Variants in ANO10 observed in about 807,000 individuals in gnomAD.
ANO10 encodes the protein anoctamin-10.
ANO10 carries 77 observed loss-of-function variants against 74.7 expected under a neutral mutation model. The observed-to-expected ratio is 1.03, with a 90% confidence interval of 0.86 to 1.25. The LOEUF (loss-of-function observed/expected upper bound fraction) is 1.25. ANO10 is among the 50% of genes most tolerant of loss of function. The pLI is 0.00. For synonymous variants in ANO10, 279 were observed against 284.9 expected (o/e 0.98, Z 0.21); for missense variants, 721 against 778.1 (o/e 0.93, Z 0.87).
chr3:43,551,171 A>C (rs2079439375), intron 10 of ANO10, among the ~76,000 whole-genome samples: 1 of 152,184 alleles, frequency 6.6e-6, no homozygotes, highest in Non-Finnish European at 1.5e-5. Context: ...TGGTGATCTT[A>C]TAAGTACATC....
rs199887096 is a variant in ANO10, at chr3:43,534,475, TGAGA to T, written c.1797+15241_1797+15244del. ...GTGTGTGCATGTGAACGTGCGCGCA[TGAGA>T]GAGAGCGCGCAAGAGAGAACGGGAG... On this transcript the variant is annotated intron_variant, in intron 11 of 12. Transcript: ENST00000292246. Among the ~76,000 whole-genome samples the T allele has an allele frequency of 8.2e-3, 1,134 of 139,092 alleles. 14 individuals carry two copies. The highest frequency in any genetic ancestry group is 0.028 in the African/African-American group (1,024 of 36,456). The allele number at this position is 139,092 out of a possible 152,430, so 91.2% of individuals were successfully genotyped here.
At chr3:43,394,330 C>T (rs1354727234) in intron 12 of ANO10, among the ~76,000 whole-genome samples, 1 of 152,142 alleles carries the variant, frequency 6.6e-6, no homozygotes, top group South Asian at 2.1e-4. Context: ...CTTGAAAAGT[C>T]CAGCTCTATC....
At chr3:43,665,621 C>T (rs1413855263) in intron 1 of ANO10, among the ~76,000 whole-genome samples, 2 of 152,058 alleles carry the variant, frequency 1.3e-5, no homozygotes, top group African/African-American at 4.8e-5. Context: ...GTTCTCTTGC[C>T]TTCCTTTTCA....
intron 12 of ANO10, among the ~76,000 whole-genome samples, chr3:43,417,441 T>C (rs2092757490): frequency 6.6e-6 from 1 of 152,076 alleles, no homozygotes; most frequent in African/African-American, 2.4e-5. Flanking sequence ...AGACACTGCC[T>C]CCTCAAGCCG....
At chr3:43,583,308 T>G (rs1261993771) in intron 4 of ANO10, among the ~76,000 whole-genome samples, 1 of 152,112 alleles carries the variant, frequency 6.6e-6, no homozygotes, top group East Asian at 1.9e-4. Context: ...GAGCCTTACC[T>G]TCAAAGGAAA....
intron 11 of ANO10, among the ~76,000 whole-genome samples, chr3:43,446,307 A>G (rs1455939565): frequency 6.6e-6 from 1 of 152,208 alleles, no homozygotes; most frequent in East Asian, 1.9e-4. Context: ...AACCTTTGAT[A>G]TCTTTGTCAG....
chr3:43,553,072 G>A (rs140775097), intron 10 of ANO10, among the ~76,000 whole-genome samples: 2,843 of 152,196 alleles, frequency 0.019, 58 homozygotes, highest in Non-Finnish European at 0.029. Flanking sequence ...GGGATTACAG[G>A]CATGAGCCGC....
Position 43,366,800 on chromosome 3 carries a change from TG to T in ANO10, c.*105del. Reference sequence around the variant, plus strand: ...ACTTCGTTTGGCTAAGCATTGGGTCTGGGTTCAGGAGCCACGATGCTGCCCC... The same window carrying T: ...ACTTCGTTTGGCTAAGCATTGGGTCTGGTTCAGGAGCCACGATGCTGCCCC... On this transcript the variant is annotated 3_prime_UTR_variant, in exon 13 of 13. Coordinates refer to ENST00000292246, the MANE Select transcript of ANO10 (RefSeq NM_018075.5). The T allele has an allele frequency of 8.4e-7, 1 of 1,190,318 alleles. No individual in the cohort carries two copies. Among genetic ancestry groups the T allele is most frequent in the Non-Finnish European group, 1.2e-6 (1 of 822,358 alleles). The allele number at this position is 1,190,318 out of a possible 1,614,324, so 73.7% of individuals were successfully genotyped here.
Position 43,576,691 on chromosome 3 carries a change from C to T in ANO10, c.1162+1G>A, listed in dbSNP as rs768148483. The T allele has an allele frequency of 8.7e-6, 14 of 1,613,874 alleles. No homozygotes were observed. The highest frequency in any genetic ancestry group is 1.2e-5 in the Non-Finnish European group (14 of 1,179,926). On this transcript the variant is annotated splice_donor_variant, in intron 6 of 12. Coordinates refer to ENST00000292246, the MANE Select transcript of ANO10 (RefSeq NM_018075.5). LOFTEE classifies it high-confidence loss of function. ...CGTGAATATAAAGCCTCAAGTCTTA[C>T]CCCATGAAGTTAAAAACTCGGCAGC...
chr3:43,687,104 T>C (rs1171626248), intron 1 of ANO10, among the ~76,000 whole-genome samples: 1 of 152,130 alleles, frequency 6.6e-6, no homozygotes, highest in Non-Finnish European at 1.5e-5. Context: ...TCCTTCTTAT[T>C]ATCTCCCTGC....
At chr3:43,619,403 A>C (rs1419797610) in intron 1 of ANO10, among the ~76,000 whole-genome samples, 1 of 152,206 alleles carries the variant, frequency 6.6e-6, no homozygotes, top group Non-Finnish European at 1.5e-5. Flanking sequence ...GAATTGTATC[A>C]ATGTCAATTT....
In ANO10 at chr3:43,494,929, TA is replaced by T. The variant is rs553489215; in HGVS notation, c.1797+54790del. Among the ~76,000 whole-genome samples the T allele has an allele frequency of 2.4e-3, 358 of 151,872 alleles. 2 individuals are homozygous for T. The highest frequency in any genetic ancestry group is 8.1e-3 in the African/African-American group (336 of 41,482). On this transcript the variant is annotated intron_variant, in intron 11 of 12. Transcript: ENST00000292246. ...GAACTAAGTAATTTTAAAGTTTATA[TA>T]AAAAAAATAAAAGAATTATCAACAA...
intron 11 of ANO10, among the ~76,000 whole-genome samples, chr3:43,443,662 A>G (rs975139749): frequency 7.9e-5 from 11 of 140,002 alleles, no homozygotes; most frequent in Non-Finnish European, 1.6e-4. Flanking sequence ...CATGAAAAGT[A>G]TTTTACTTCC....
chr3:43,452,650 G>C (rs1048276380), intron 11 of ANO10, among the ~76,000 whole-genome samples: 16 of 152,224 alleles, frequency 1.1e-4, no homozygotes, highest in African/African-American at 3.9e-4. Flanking sequence ...TAATGTGCAA[G>C]TTTTTGTGCA....
At chr3:43,423,962 G>A (rs1328199644) in intron 12 of ANO10, among the ~76,000 whole-genome samples, 1 of 152,172 alleles carries the variant, frequency 6.6e-6, no homozygotes, top group Non-Finnish European at 1.5e-5. Flanking sequence ...AGGCAAATCT[G>A]ATGTTACGGT....
intron 11 of ANO10, among the ~76,000 whole-genome samples, chr3:43,523,248 G>T (rs778304789): frequency 6.6e-6 from 1 of 152,286 alleles, no homozygotes; most frequent in African/African-American, 2.4e-5. Context: ...TCCATTGGAG[G>T]AGTCACATGA....
At chr3:43,369,267 G>A (rs1575581741) in intron 12 of ANO10, among the ~76,000 whole-genome samples, 1 of 152,374 alleles carries the variant, frequency 6.6e-6, no homozygotes, top group East Asian at 1.9e-4. Flanking sequence ...CCACTTGGCT[G>A]GGTTCCTCCC....
chr3:43,631,314 G>A (rs1360782531), intron 1 of ANO10, among the ~76,000 whole-genome samples: 2 of 152,168 alleles, frequency 1.3e-5, no homozygotes, highest in Admixed American at 1.3e-4. Context: ...AACCCTCACT[G>A]CCTTGATACC....
chr3:43,650,990 T>C (rs540445690), intron 1 of ANO10, among the ~76,000 whole-genome samples: 1 of 152,324 alleles, frequency 6.6e-6, no homozygotes, highest in South Asian at 2.1e-4. Flanking sequence ...AATATGCTCA[T>C]CACATCATTT....
Sources: gnomAD v4.1 joint callset for allele counts (sites outside exome capture counted in the v4.1 genomes callset) on GRCh38, gnomAD v4.1.1 for gene constraint, MANE v1.5 for transcripts, NCBI Gene and HGNC (gene_info 2026-07-23, HGNC 2026-07-21) for gene names.